LMTK2: variants seen among roughly 807,000 people sequenced by gnomAD.
The protein encoded by LMTK2 is serine/threonine-protein kinase LMTK2.
In LMTK2, 37 loss-of-function variants were observed where a neutral mutation model predicts 127.5. That is an observed-to-expected ratio of 0.29 (90% CI 0.22 to 0.38). The LOEUF (loss-of-function observed/expected upper bound fraction) is 0.38. LMTK2 is among the 10% of genes least tolerant of loss of function. LMTK2 has a pLI of 1.00. For missense variants in LMTK2, 1,694 were observed against 1,920.3 expected (o/e 0.88, Z 2.20); for synonymous variants, 819 against 810.1 (o/e 1.01, Z -0.19).
At chr7:98,145,640 A>G (rs993555809) in intron 3 of LMTK2, among the ~76,000 whole-genome samples, 5 of 152,148 alleles carry the variant, frequency 3.3e-5, no homozygotes, top group African/African-American at 9.6e-5. Context: ...GTATAGGTCT[A>G]TTTTAGGCTT....
intron 7 of LMTK2, among the ~76,000 whole-genome samples, chr7:98,173,116 TTTC>T (rs1392293588): frequency 1.3e-5 from 2 of 152,194 alleles, no homozygotes; most frequent in African/African-American, 4.8e-5. Context: ...TGTGATTCCA[TTTC>T]TTAAGTATGA....
At chr7:98,174,488 C>T (rs980599760) in intron 7 of LMTK2, among the ~76,000 whole-genome samples, 2 of 152,218 alleles carry the variant, frequency 1.3e-5, no homozygotes, top group Non-Finnish European at 2.9e-5. Flanking sequence ...TGTGCCATCC[C>T]ACTTGCCTTG....
intron 6 of LMTK2, among the ~76,000 whole-genome samples, chr7:98,162,886 G>A (rs1277604505): frequency 6.6e-6 from 1 of 152,210 alleles, no homozygotes; most frequent in African/African-American, 2.4e-5. Context: ...GAAGTGGCCA[G>A]GTGTCCATCG....
chr7:98,109,584 A>C (rs144982611), intron 1 of LMTK2, among the ~76,000 whole-genome samples: 87 of 152,052 alleles, frequency 5.7e-4, no homozygotes, highest in African/African-American at 2.0e-3. Context: ...TCTCTACTAA[A>C]TATACAAAAA....
intron 6 of LMTK2, among the ~76,000 whole-genome samples, chr7:98,165,962 G>T (rs117041094): frequency 6.6e-6 from 1 of 152,118 alleles, no homozygotes; most frequent in African/African-American, 2.4e-5. Flanking sequence ...GGGGGTGATT[G>T]GGTCGGGGGT....
At chr7:98,197,875 C>T (rs1013344085) in intron 11 of LMTK2, among the ~76,000 whole-genome samples, 13 of 152,274 alleles carry the variant, frequency 8.5e-5, no homozygotes, top group Admixed American at 8.5e-4. Context: ...GAGGAATAAA[C>T]ATTCAGGGCT....
chr7:98,198,815 C>G (rs1797669165), intron 11 of LMTK2, among the ~76,000 whole-genome samples: 1 of 152,094 alleles, frequency 6.6e-6, no homozygotes, highest in African/African-American at 2.4e-5. Flanking sequence ...TATAAATTTC[C>G]CTTTATGTAC....
chr7:98,193,252 AT>A lies in LMTK2; in HGVS notation c.2791del (p.Ser931ArgfsTer10). 1 of 1,613,650 alleles carries A rather than the reference AT, an allele frequency of 6.2e-7. No homozygotes were observed. Among genetic ancestry groups the A allele is most frequent in the Non-Finnish European group, 8.5e-7 (1 of 1,180,010 alleles). ...ELGQELHNKP[F>X]SEDHHSHRRL... ...TGGGACAGGAATTGCACAATAAACCATTTTCGGAAGACCATCACAGTCATCG... is the reference window on the plus strand; with the variant it reads ...TGGGACAGGAATTGCACAATAAACCATTTCGGAAGACCATCACAGTCATCG... On this transcript the variant is annotated frameshift_variant, in exon 11 of 14. Transcript: ENST00000297293. LOFTEE classifies it high-confidence loss of function. This position sits in a 1 kb window ranked among gnomAD's most constrained non-coding sequence, Gnocchi z 4.1.
At chr7:98,120,903 C>T (rs1302734880) in intron 1 of LMTK2, among the ~76,000 whole-genome samples, 1 of 152,160 alleles carries the variant, frequency 6.6e-6, no homozygotes, top group Non-Finnish European at 1.5e-5. Flanking sequence ...CAGTACAATT[C>T]GGGAATCTGT....
At chr7:98,204,872 G>A (rs1159873764) in intron 13 of LMTK2, among the ~76,000 whole-genome samples, 3 of 152,182 alleles carry the variant, frequency 2.0e-5, no homozygotes, top group East Asian at 1.9e-4. Flanking sequence ...CAGCAGGCTC[G>A]TAAGAGCACT....
chr7:98,107,307 G>A, intron 1 of LMTK2, 27 bp downstream of exon 1: 1 of 1,306,800 alleles, frequency 7.7e-7, no homozygotes, highest in Non-Finnish European at 9.7e-7. Flanking sequence ...CGGGGACGGG[G>A]CTGCGGGGTC....
At chr7:98,200,492 C>T (rs1422787120) in intron 11 of LMTK2, among the ~76,000 whole-genome samples, 4 of 152,136 alleles carry the variant, frequency 2.6e-5, no homozygotes, top group African/African-American at 4.8e-5. Flanking sequence ...TGTATAGATA[C>T]GGAGGGCTGA....
At chr7:98,175,423 G>A (rs1173483907) in intron 7 of LMTK2, among the ~76,000 whole-genome samples, 2 of 152,238 alleles carry the variant, frequency 1.3e-5, no homozygotes, top group East Asian at 3.8e-4. Context: ...TAGAGACACA[G>A]CTTGAAACCA....
chr7:98,190,884 A>G lies in LMTK2; in HGVS notation c.1148+7A>G. The G allele has an allele frequency of 1.2e-6, 2 of 1,613,882 alleles. No homozygotes were observed. Among genetic ancestry groups the G allele is most frequent in the South Asian group, 2.2e-5 (2 of 91,052 alleles). Reference sequence around the variant, plus strand: ...AGCCCTACTCTGATAGATGGTTGGTAGCCTCACATTCCGCCTGTTCTGTTT... The same window carrying G: ...AGCCCTACTCTGATAGATGGTTGGTGGCCTCACATTCCGCCTGTTCTGTTT... On this transcript the variant is annotated splice_region_variant and intron_variant, in intron 10 of 13. Coordinates refer to ENST00000297293, the MANE Select transcript of LMTK2 (RefSeq NM_014916.4).
chr7:98,118,476 G>A (rs1215813754), intron 1 of LMTK2, among the ~76,000 whole-genome samples: 8 of 152,152 alleles, frequency 5.3e-5, no homozygotes, highest in Admixed American at 2.6e-4. Context: ...CTCTTGAAGA[G>A]CATGGGGCTG....
chr7:98,117,732 C>T (rs995711523), intron 1 of LMTK2, among the ~76,000 whole-genome samples: 5 of 151,958 alleles, frequency 3.3e-5, no homozygotes, highest in Admixed American at 6.6e-5. Flanking sequence ...TTTGGGAGGC[C>T]GAGGTGGGCG....
intron 1 of LMTK2, among the ~76,000 whole-genome samples, chr7:98,131,044 C>G (rs1255055444): frequency 6.6e-6 from 1 of 152,186 alleles, no homozygotes; most frequent in Non-Finnish European, 1.5e-5. Flanking sequence ...TCCACCCAGC[C>G]TGAATTAGCT....
At chr7:98,205,017 G>A (rs1163399850) in intron 13 of LMTK2, among the ~76,000 whole-genome samples, 1 of 152,196 alleles carries the variant, frequency 6.6e-6, no homozygotes, top group Non-Finnish European at 1.5e-5. Context: ...ATTTGAAGTC[G>A]AGGTATCTGA....
intron 3 of LMTK2, among the ~76,000 whole-genome samples, chr7:98,144,570 G>C (rs767957803): frequency 6.6e-6 from 1 of 151,856 alleles, no homozygotes; most frequent in Non-Finnish European, 1.5e-5. Flanking sequence ...CACCTTTCTC[G>C]AATTTGTTGA....
Sources: allele counts gnomAD v4.1 joint callset (sites outside exome capture counted in the v4.1 genomes callset), GRCh38; gene constraint gnomAD v4.1.1; non-coding constraint Gnocchi (gnomAD v3.1); transcripts MANE v1.5; gene names NCBI Gene and HGNC (gene_info 2026-07-23, HGNC 2026-07-21).